The following CUX1 variants were observed in gnomAD, a reference collection of about 807,000 sequenced individuals.
CUX1 encodes cut like homeobox 1.
A neutral mutation model predicts 158.8 loss-of-function variants in CUX1; 31 were observed. The observed-to-expected ratio is 0.20, with a 90% confidence interval of 0.15 to 0.26. The LOEUF is 0.26. CUX1 is among the 10% of genes least tolerant of loss of function. The probability of loss-of-function intolerance (pLI) is 1.00; values close to 1 mark genes in which losing one functional copy is unlikely to be tolerated. For missense variants in CUX1, 1,589 were observed against 2,014.6 expected, an observed-to-expected ratio of 0.79 and a Z score of 4.04; for synonymous variants, 879 against 862.1, an observed-to-expected ratio of 1.02 and a Z score of -0.34.
intron 8 of CUX1, among the ~76,000 whole-genome samples, chr7:102,150,449 C>A (rs576076978): frequency 1.3e-5 from 2 of 152,338 alleles, no homozygotes; most frequent in East Asian, 3.9e-4. Flanking sequence ...AGCCACTGGG[C>A]CCGGCCGAGA....
chr7:101,816,663 C>T (rs963848599), upstream of CUX1, among the ~76,000 whole-genome samples: 101 of 144,380 alleles, frequency 7.0e-4, no homozygotes, highest in Middle Eastern at 7.5e-3. Context: ...GCCTGCCTCT[C>T]CAGGAGGAGC....
intron 17 of CUX1, among the ~76,000 whole-genome samples, chr7:102,276,384 C>G (rs1345205306): frequency 1.3e-5 from 2 of 152,210 alleles, no homozygotes; most frequent in Admixed American, 1.3e-4. Flanking sequence ...TCACTGCAAC[C>G]TCCACCTCCT....
intron 5 of CUX1, among the ~76,000 whole-genome samples, chr7:102,102,026 G>A (rs1179108574): frequency 6.6e-6 from 1 of 152,104 alleles, no homozygotes; most frequent in Non-Finnish European, 1.5e-5. Context: ...GTCCATTCTG[G>A]AAGTGTCCAG....
intron 2 of CUX1, among the ~76,000 whole-genome samples, chr7:101,969,089 A>G (rs1232614678): frequency 6.6e-6 from 1 of 151,786 alleles, no homozygotes; most frequent in Non-Finnish European, 1.5e-5. Context: ...GCACTTTGGG[A>G]GGCCAAAGCA....
intron 1 of CUX1, among the ~76,000 whole-genome samples, chr7:101,871,630 G>A (rs1342556183): frequency 6.6e-6 from 1 of 152,144 alleles, no homozygotes. Context: ...GGTGGTGCTG[G>A]CCCCCATCAG....
chr7:102,215,740 G>A (rs1351564627), intron 20 of CUX1, among the ~76,000 whole-genome samples: 2 of 152,168 alleles, frequency 1.3e-5, no homozygotes, highest in Non-Finnish European at 2.9e-5. Context: ...GGCATTGAGT[G>A]GAAGACAGGA....
intron 2 of CUX1, among the ~76,000 whole-genome samples, chr7:101,965,848 CAAAAAAAAAAAAAA>C (rs36052208): frequency 1.2e-4 from 6 of 50,124 alleles, no homozygotes; most frequent in Non-Finnish European, 1.9e-4. Flanking sequence ...GACTCCATCT[CAAAAAAAAAAAAAA>C]AAAAAAAAAA....
chr7:102,110,384 C>G (rs1159136266), intron 6 of CUX1, among the ~76,000 whole-genome samples: 5 of 88,440 alleles, frequency 5.7e-5, no homozygotes, highest in Non-Finnish European at 9.2e-5. Flanking sequence ...TCACATTCCA[C>G]TATAATGTTA....
chr7:102,205,506 A>G (rs1795860063), intron 20 of CUX1, among the ~76,000 whole-genome samples: 1 of 152,164 alleles, frequency 6.6e-6, no homozygotes, highest in African/African-American at 2.4e-5. Flanking sequence ...AAGCACGGGC[A>G]CACGTCCCTC....
At chr7:102,016,424 G>A (rs1818595889) in intron 2 of CUX1, among the ~76,000 whole-genome samples, 1 of 152,202 alleles carries the variant, frequency 6.6e-6, no homozygotes, top group South Asian at 2.1e-4. Flanking sequence ...CTAAAACAGG[G>A]CCGGAAGGCC....
chr7:102,149,755 C>G lies in CUX1; in HGVS notation c.675-8805C>G, dbSNP rs1237515626. Among the ~76,000 whole-genome samples the G allele has an allele frequency of 3.3e-5, 5 of 152,254 alleles. No homozygotes were observed. In the East Asian group the frequency reaches 9.7e-4, roughly 29 times the overall value. On this transcript the variant is annotated intron_variant, in intron 8 of 23. Transcript: ENST00000292535. ...CAGCTTTTCCTATAGGTTTGTCCCC[C>G]ACCCCTTGCCCAACTCTTTGACCCC... is the stretch of plus-strand genomic sequence containing the variant.
chr7:102,138,961 T>C (rs149797106), intron 8 of CUX1, among the ~76,000 whole-genome samples: 3 of 152,254 alleles, frequency 2.0e-5, no homozygotes, highest in Non-Finnish European at 4.4e-5. Flanking sequence ...ATGTATCAGC[T>C]TGGCCGGGCA....
At chr7:102,132,764 C>G (rs1162911367) in intron 8 of CUX1, among the ~76,000 whole-genome samples, 9 of 150,254 alleles carry the variant, frequency 6.0e-5, no homozygotes, top group African/African-American at 2.2e-4. Context: ...CTCCACCTCC[C>G]AGGTTCAAGC....
intron 4 of CUX1, among the ~76,000 whole-genome samples, chr7:102,080,067 T>G (rs1399005367): frequency 6.6e-6 from 1 of 152,218 alleles, no homozygotes; most frequent in Non-Finnish European, 1.5e-5. Flanking sequence ...ACCACTGTTC[T>G]AAAGACAAGC....
intron 1 of CUX1, among the ~76,000 whole-genome samples, chr7:101,878,290 C>A (rs1239144571): frequency 6.6e-6 from 1 of 152,220 alleles, no homozygotes; most frequent in African/African-American, 2.4e-5. Context: ...ACGCCACTTC[C>A]TTGTAGGAAA....
intron 17 of CUX1, 95 bp downstream of exon 17, chr7:102,200,267 A>T (rs1795275104): frequency 1.9e-5 from 16 of 822,384 alleles, no homozygotes; most frequent in Middle Eastern, 2.5e-4. Flanking sequence ...TTTTTTTTTT[A>T]AACAATAATG....
At chr7:101,883,171 A>G (rs764333449) in intron 1 of CUX1, among the ~76,000 whole-genome samples, 6 of 152,060 alleles carry the variant, frequency 3.9e-5, no homozygotes, top group African/African-American at 9.7e-5. Flanking sequence ...TTTTCGTCAT[A>G]TGGAGGGGTG....
intron 4 of CUX1, among the ~76,000 whole-genome samples, chr7:102,079,038 G>T (rs1827080050): frequency 6.6e-6 from 1 of 152,202 alleles, no homozygotes; most frequent in Non-Finnish European, 1.5e-5. Flanking sequence ...ACTTTCAAGT[G>T]AGGACACATT....
chr7:101,965,452 G>A (rs1046877965), intron 2 of CUX1, among the ~76,000 whole-genome samples: 25 of 151,952 alleles, frequency 1.6e-4, no homozygotes, highest in Non-Finnish European at 3.2e-4. Flanking sequence ...CATGGTGGTG[G>A]GGGAAGGGCA....
Sources: allele counts gnomAD v4.1 joint callset (sites outside exome capture counted in the v4.1 genomes callset), GRCh38; gene constraint gnomAD v4.1.1; transcripts MANE v1.5; gene names NCBI Gene and HGNC (gene_info 2026-07-23, HGNC 2026-07-21).